FHIT: variants seen among roughly 807,000 people sequenced by gnomAD.
The protein encoded by FHIT is bis(5'-adenosyl)-triphosphatase.
Under a neutral mutation model 17.9 loss-of-function variants are expected in FHIT, and 19 were observed. The observed-to-expected ratio is 1.06, with a 90% CI of 0.74 to 1.56. FHIT has a LOEUF of 1.56. FHIT is among the 40% of genes most tolerant of loss of function. The pLI is 0.00. For synonymous variants in FHIT, 81 were observed against 69.7 expected (o/e 1.16, Z -0.81); for missense variants, 248 against 189.2 (o/e 1.31, Z -1.82).
chr3:60,314,659 G>C (rs1055183632), intron 5 of FHIT, among the ~76,000 whole-genome samples: 1 of 152,152 alleles, frequency 6.6e-6, no homozygotes, highest in African/African-American at 2.4e-5. Context: ...CTTTCTAACT[G>C]AGATATAGCA....
intron 8 of FHIT, among the ~76,000 whole-genome samples, chr3:59,817,634 A>G (rs555416207): frequency 1.3e-5 from 2 of 152,174 alleles, no homozygotes; most frequent in South Asian, 4.2e-4. Context: ...AGAAGCTACA[A>G]TAGGAATAGT....
chr3:60,390,330 C>T (rs1210609613), intron 5 of FHIT, among the ~76,000 whole-genome samples: 2 of 142,254 alleles, frequency 1.4e-5, no homozygotes, highest in Admixed American at 7.4e-5. Flanking sequence ...TAGTCATGTA[C>T]TGTATAACAT....
intron 4 of FHIT, among the ~76,000 whole-genome samples, chr3:60,632,825 C>G (rs1418365669): frequency 6.6e-6 from 1 of 152,220 alleles, no homozygotes; most frequent in Admixed American, 6.5e-5. Flanking sequence ...TTCTTTCCCT[C>G]ACTACCTTCT....
Position 60,266,395 on chromosome 3 carries a change from G to C in FHIT, c.104-252243C>G, listed in dbSNP as rs148459382. Among the ~76,000 whole-genome samples, 42 of 152,100 alleles carry C rather than the reference G, an allele frequency of 2.8e-4. 1 individual carries two copies. The Middle Eastern group carries it at 0.014, about 49-fold the overall frequency. Reference sequence around the variant, plus strand: ...ATCATAATGCCCAGGGCCGCGGAGGGGGCTTCATGAGAAACAGAAATGACT... The same window carrying C: ...ATCATAATGCCCAGGGCCGCGGAGGCGGCTTCATGAGAAACAGAAATGACT... On this transcript the variant is annotated intron_variant, in intron 5 of 9. Transcript: ENST00000492590.
intron 4 of FHIT, among the ~76,000 whole-genome samples, chr3:60,633,495 T>C (rs1180540789): frequency 6.6e-6 from 1 of 152,176 alleles, no homozygotes; most frequent in East Asian, 1.9e-4. Flanking sequence ...ATTTCTGACT[T>C]GAGAAGCTAT....
chr3:60,741,696 A>T (rs933825644), intron 4 of FHIT, among the ~76,000 whole-genome samples: 1 of 152,114 alleles, frequency 6.6e-6, no homozygotes, highest in African/African-American at 2.4e-5. Flanking sequence ...TCTCCTTCTT[A>T]TCCATTCATT....
At chr3:60,271,356 TC>T (rs1706860193) in intron 5 of FHIT, among the ~76,000 whole-genome samples, 1 of 152,020 alleles carries the variant, frequency 6.6e-6, no homozygotes, top group Admixed American at 6.6e-5. Flanking sequence ...TGAGCTGAGA[TC>T]CCGCCACTGC....
chr3:61,217,748 A>C (rs1169869080), intron 1 of FHIT, among the ~76,000 whole-genome samples: 2 of 152,236 alleles, frequency 1.3e-5, no homozygotes, highest in Non-Finnish European at 2.9e-5. Context: ...GCACATATGA[A>C]ACATAAGCAA....
intron 3 of FHIT, among the ~76,000 whole-genome samples, chr3:60,975,652 G>A (rs898341892): frequency 6.6e-6 from 1 of 152,134 alleles, no homozygotes; most frequent in Non-Finnish European, 1.5e-5. Context: ...ATCAAGGCAG[G>A]AGTTTTCAAA....
intron 7 of FHIT, among the ~76,000 whole-genome samples, chr3:59,933,736 C>T (rs931159960): frequency 1.3e-5 from 2 of 152,156 alleles, no homozygotes; most frequent in Non-Finnish European, 2.9e-5. Context: ...TTTCACTCTC[C>T]TAAGTTCTGC....
intron 5 of FHIT, among the ~76,000 whole-genome samples, chr3:60,440,778 AT>A (rs1228014155): frequency 6.6e-6 from 1 of 152,034 alleles, no homozygotes; most frequent in African/African-American, 2.4e-5. Context: ...ATTTCAGTAT[AT>A]TTTTAATAAA....
intron 5 of FHIT, among the ~76,000 whole-genome samples, chr3:60,205,894 G>A (rs926884329): frequency 6.6e-6 from 1 of 151,772 alleles, no homozygotes; most frequent in Non-Finnish European, 1.5e-5. Flanking sequence ...AGATCATGAG[G>A]TCAGGTGATT....
chr3:60,866,367 C>T (rs781987417), intron 3 of FHIT, among the ~76,000 whole-genome samples: 2 of 152,138 alleles, frequency 1.3e-5, no homozygotes, highest in Admixed American at 6.6e-5. Flanking sequence ...AAGCTTTCCC[C>T]CTTTTCTCTC....
chr3:60,007,846 C>CT (rs148711776), intron 7 of FHIT, among the ~76,000 whole-genome samples: 3,935 of 152,196 alleles, frequency 0.026, 145 homozygotes, highest in African/African-American at 0.088. Flanking sequence ...GAATGAAGGT[C>CT]TTATGACCTA....
intron 3 of FHIT, among the ~76,000 whole-genome samples, chr3:61,041,005 G>A (rs2033483163): frequency 6.6e-6 from 1 of 152,022 alleles, no homozygotes; most frequent in Admixed American, 6.5e-5. Flanking sequence ...TCCCCTCTCT[G>A]CCCTGGTATG....
At chr3:60,541,969 G>A (rs111945376) in intron 4 of FHIT, among the ~76,000 whole-genome samples, 1,557 of 152,026 alleles carry the variant, frequency 0.01, 26 homozygotes, top group African/African-American at 0.035. Context: ...TTTGTCCTCT[G>A]TGTTCAGTCC....
chr3:60,064,896 T>G (rs1042061339), intron 5 of FHIT, among the ~76,000 whole-genome samples: 2 of 152,208 alleles, frequency 1.3e-5, no homozygotes, highest in Non-Finnish European at 2.9e-5. Context: ...TATCATAATC[T>G]TCCCATTGCA....
At chr3:60,810,308 CT>C (rs1701534938) in intron 4 of FHIT, among the ~76,000 whole-genome samples, 1 of 152,172 alleles carries the variant, frequency 6.6e-6, no homozygotes, top group Admixed American at 6.6e-5. Context: ...TTAGTCAAAA[CT>C]GTAAAACAGA....
intron 8 of FHIT, among the ~76,000 whole-genome samples, chr3:59,753,553 G>A (rs1701036157): frequency 6.6e-6 from 1 of 152,120 alleles, no homozygotes; most frequent in African/African-American, 2.4e-5. Flanking sequence ...ATTGTAAAAT[G>A]CCGCAGGTTA....
Sources: allele counts gnomAD v4.1 joint callset (sites outside exome capture counted in the v4.1 genomes callset), GRCh38; gene constraint gnomAD v4.1.1; transcripts MANE v1.5; gene names NCBI Gene and HGNC (gene_info 2026-07-23, HGNC 2026-07-21).